KDM6A: variants seen among roughly 807,000 people sequenced by gnomAD.
The protein encoded by KDM6A is lysine demethylase 6A, also known as lysine-specific demethylase 6A.
In KDM6A, 11 loss-of-function variants were observed where a neutral mutation model predicts 117.6. The observed-to-expected ratio is 0.09, with a 90% confidence interval of 0.06 to 0.15. The LOEUF (loss-of-function observed/expected upper bound fraction) is 0.15. KDM6A is among the 10% of genes least tolerant of loss of function. The pLI is 1.00. For missense variants in KDM6A, 799 were observed against 1,077.3 expected, an observed-to-expected ratio of 0.74 and a Z score of 3.62; for synonymous variants, 384 against 396.1, an observed-to-expected ratio of 0.97 and a Z score of 0.36.
chrX:44,979,081 T>C (rs1206206204), intron 4 of KDM6A, among the ~76,000 whole-genome samples: 1 of 112,286 alleles, frequency 8.9e-6, no homozygotes, highest in Non-Finnish European at 1.9e-5. Flanking sequence ...TTTGTCTTGG[T>C]ATATATACCT....
At chrX:44,947,988 G>T (rs1345446410) in intron 2 of KDM6A, among the ~76,000 whole-genome samples, 1 of 111,078 alleles carries the variant, frequency 9.0e-6, no homozygotes, top group Admixed American at 9.7e-5. Context: ...CTTAGTTCTG[G>T]TTCCCCTGAC....
intron 4 of KDM6A, among the ~76,000 whole-genome samples, chrX:45,009,380 T>G (rs1340972538): frequency 8.9e-6 from 1 of 111,897 alleles, no homozygotes; most frequent in Non-Finnish European, 1.9e-5. Flanking sequence ...TAGTGTATAA[T>G]GAGCAGTGAG....
chrX:44,903,081 A>G (rs2034453724), intron 2 of KDM6A, among the ~76,000 whole-genome samples: 2 of 112,084 alleles, frequency 1.8e-5, no homozygotes, highest in South Asian at 7.4e-4. Context: ...GCACCTGAGA[A>G]TTACTTTTAC....
intron 17 of KDM6A, among the ~76,000 whole-genome samples, chrX:45,069,164 A>C (rs2044703029): frequency 8.9e-6 from 1 of 112,513 alleles, no homozygotes; most frequent in South Asian, 3.6e-4. Flanking sequence ...TAAAGGCTTA[A>C]TGAACTCACT....
intron 25 of KDM6A, among the ~76,000 whole-genome samples, chrX:45,086,545 C>T (rs2045647524): frequency 8.9e-6 from 1 of 111,865 alleles, no homozygotes; most frequent in Non-Finnish European, 1.9e-5. Context: ...GATCCACCTG[C>T]CTGGGCCTCC....
At chrX:44,995,067 G>C (rs1334805048) in intron 4 of KDM6A, among the ~76,000 whole-genome samples, 1 of 111,932 alleles carries the variant, frequency 8.9e-6, no homozygotes, top group Non-Finnish European at 1.9e-5. Context: ...TTTATAGCTA[G>C]TAGTGGGACT....
At chrX:44,899,811 A>C (rs989423029) in intron 2 of KDM6A, among the ~76,000 whole-genome samples, 1 of 111,548 alleles carries the variant, frequency 9.0e-6, no homozygotes, top group Non-Finnish European at 1.9e-5. Flanking sequence ...GTGGAACTGG[A>C]AGGCTTATAG....
chrX:45,013,014 A>G (rs1024419611), intron 5 of KDM6A, among the ~76,000 whole-genome samples: 6 of 112,102 alleles, frequency 5.4e-5, no homozygotes, highest in African/African-American at 1.9e-4. Flanking sequence ...ACTGTTTTAA[A>G]ATCTTTCAGT....
At chrX:44,989,256 C>T (rs762365233) in intron 4 of KDM6A, among the ~76,000 whole-genome samples, 1 of 100,858 alleles carries the variant, frequency 9.9e-6, no homozygotes, top group Admixed American at 1.1e-4. Context: ...TGGAAAAGCG[C>T]AGTATTAGGG....
chrX:45,100,169 A>G (rs1024107709), intron 27 of KDM6A, among the ~76,000 whole-genome samples: 8 of 111,965 alleles, frequency 7.1e-5, no homozygotes, highest in Non-Finnish European at 1.5e-4. Context: ...AGACTCATAC[A>G]TTCCTTGTTT....
At chrX:45,001,804 G>A (rs2041155181) in intron 4 of KDM6A, among the ~76,000 whole-genome samples, 1 of 111,097 alleles carries the variant, frequency 9.0e-6, no homozygotes, top group Non-Finnish European at 1.9e-5. Flanking sequence ...CCTCGGGTGT[G>A]ATGAGTCTAT....
At chrX:44,981,967 C>T (rs2039934483) in intron 4 of KDM6A, among the ~76,000 whole-genome samples, 1 of 111,826 alleles carries the variant, frequency 8.9e-6, no homozygotes, top group South Asian at 3.7e-4. Context: ...CCTTGTAATC[C>T]CAGCTACTGG....
chrX:44,987,617 T>G (rs2040306566), intron 4 of KDM6A, among the ~76,000 whole-genome samples: 1 of 111,760 alleles, frequency 8.9e-6, no homozygotes, highest in South Asian at 3.7e-4. Flanking sequence ...TGATAAAATC[T>G]CTTAGCATTT....
At chrX:45,001,651 T>C (rs1374289649) in intron 4 of KDM6A, among the ~76,000 whole-genome samples, 1 of 112,002 alleles carries the variant, frequency 8.9e-6, no homozygotes, top group Non-Finnish European at 1.9e-5. Context: ...GGTTATGTTA[T>C]AACTAGATGG....
At chrX:44,884,474 C>T (rs941092755) in intron 2 of KDM6A, among the ~76,000 whole-genome samples, 1 of 111,809 alleles carries the variant, frequency 8.9e-6, no homozygotes, top group Non-Finnish European at 1.9e-5. Context: ...GGCAAGCAAG[C>T]ATCTTTCAGA....
chrX:45,078,597 C>CTTTTTTTTT, intron 20 of KDM6A, 92 bp downstream of exon 20: 1 of 703,149 alleles, frequency 1.4e-6, no homozygotes, highest in Non-Finnish European at 2.1e-6. Context: ...TCTTTTTTTT[C>CTTTTTTTTT]TTTTTTCTTT....
At chrX:44,907,839 G>A (rs1350168606) in intron 2 of KDM6A, among the ~76,000 whole-genome samples, 1 of 104,769 alleles carries the variant, frequency 9.5e-6, no homozygotes, top group African/African-American at 3.5e-5. Context: ...TGGACAGCTG[G>A]CATTCTGGGA....
intron 8 of KDM6A, among the ~76,000 whole-genome samples, chrX:45,044,976 A>G (rs142026575): frequency 0.057 from 6,408 of 111,577 alleles, 187 homozygotes; most frequent in Non-Finnish European, 0.087. Flanking sequence ...CATCTATAAT[A>G]TAAGTATTTT....
rs902098392 is a variant in KDM6A, at chrX:44,961,447, T to G, written c.334+55T>G. 9.9e-6 allele frequency: 8 copies of G among 809,547 alleles called. No homozygotes were observed. The African/African-American group carries it at 1.6e-4, about 17-fold the overall frequency. 66.7% of individuals were successfully genotyped at this position (809,547 alleles called of 1,213,427 possible). A position where few individuals can be genotyped will look rare whatever the true frequency, so the allele number is the denominator to read the frequency against. On this transcript the variant is annotated intron_variant, in intron 3 of 29. Coordinates refer to ENST00000611820, the MANE Select transcript of KDM6A (RefSeq NM_001291415.2). Reference sequence around the variant, plus strand: ...ATTTATACATGTGTTGGATTGTAATTATTTGTGCTTTATCAAGAGGATTTT... The same window carrying G: ...ATTTATACATGTGTTGGATTGTAATGATTTGTGCTTTATCAAGAGGATTTT...
Sources: allele counts gnomAD v4.1 joint callset (sites outside exome capture counted in the v4.1 genomes callset), GRCh38; gene constraint gnomAD v4.1.1; transcripts MANE v1.5; gene names NCBI Gene and HGNC (gene_info 2026-07-23, HGNC 2026-07-21).